MPZL1: variants seen among roughly 807,000 people sequenced by gnomAD.
MPZL1 encodes myelin protein zero like 1, also known as myelin protein zero-like protein 1.
A neutral mutation model predicts 29.3 loss-of-function variants in MPZL1; 16 were observed. That is an observed-to-expected ratio of 0.55 (90% CI 0.37 to 0.83). The LOEUF (loss-of-function observed/expected upper bound fraction) is 0.83, where lower values mean the gene tolerates loss of function less well. MPZL1 is among the 40% of genes least tolerant of loss of function. The pLI is 0.00. For synonymous variants in MPZL1, 143 were observed against 132.0 expected, an observed-to-expected ratio of 1.08 and a Z score of -0.57; for missense variants, 279 against 332.9, an observed-to-expected ratio of 0.84 and a Z score of 1.26.
At chr1:167,778,523 AGGATGGATGGATGGATGGAT>A (rs10666527) in intron 5 of MPZL1, among the ~76,000 whole-genome samples, 6 of 147,340 alleles carry the variant, frequency 4.1e-5, no homozygotes, top group East Asian at 2.0e-4. Context: ...GAAGGAAGGA[AGGATGGATGGATGGATGGAT>A]GGATGGATGG....
chr1:167,752,877 A>T (rs1420759136), intron 1 of MPZL1, among the ~76,000 whole-genome samples: 7 of 152,238 alleles, frequency 4.6e-5, no homozygotes, highest in Non-Finnish European at 7.3e-5. Context: ...ATTTAGTGTT[A>T]TCTGTTCACT....
rs1445261430 is a variant in MPZL1 at position 167,790,120 on chromosome 1, T to C, written c.*2199T>C. 1 of 152,244 alleles carries C rather than the reference T, an allele frequency of 6.6e-6. No homozygotes were observed. Among genetic ancestry groups the C allele is most frequent in the Non-Finnish European group, 1.5e-5 (1 of 68,046 alleles). The allele number at this position is 152,244 out of a possible 1,614,324, so 9.4% of individuals were successfully genotyped here. On this transcript the variant is annotated 3_prime_UTR_variant, in exon 6 of 6. Transcript: ENST00000359523. Reference sequence around the variant, plus strand: ...GGGGCATTGTTTTTTCACTGCTTTCTCAACAGTTCCTGTGAATAAATGAAA... The same window carrying C: ...GGGGCATTGTTTTTTCACTGCTTTCCCAACAGTTCCTGTGAATAAATGAAA...
intron 5 of MPZL1, among the ~76,000 whole-genome samples, chr1:167,783,170 T>C (rs1661527983): frequency 1.3e-5 from 2 of 152,090 alleles, no homozygotes; most frequent in South Asian, 4.1e-4. Context: ...TGATTCACTC[T>C]TAGGGCAGAG....
At chr1:167,785,116 C>T (rs1661566126) in intron 5 of MPZL1, among the ~76,000 whole-genome samples, 1 of 152,180 alleles carries the variant, frequency 6.6e-6, no homozygotes, top group African/African-American at 2.4e-5. Context: ...AAAACACGCA[C>T]TATTTATTTG....
chr1:167,729,376 A>G (rs1057093719), intron 1 of MPZL1, among the ~76,000 whole-genome samples: 1 of 152,192 alleles, frequency 6.6e-6, no homozygotes, highest in African/African-American at 2.4e-5. Flanking sequence ...TAACATAATC[A>G]TGTGCTTCTT....
At chr1:167,728,073 C>T (rs12037996) in intron 1 of MPZL1, among the ~76,000 whole-genome samples, 7,146 of 141,778 alleles carry the variant, frequency 0.05, 222 homozygotes, top group Middle Eastern at 0.093. Flanking sequence ...GAGTTTCACT[C>T]CTGTTGCCCA....
rs1367220091 is a variant in MPZL1 at position 167,787,910 on chromosome 1, C to T, written c.799C>T (p.Arg267Ter). The T allele has an allele frequency of 2.9e-5, 46 of 1,609,410 alleles. No homozygotes were observed. Among genetic ancestry groups the T allele is most frequent in the Non-Finnish European group, 3.6e-5 (42 of 1,175,918 alleles). The stretch of plus-strand genomic sequence containing the variant: ...AGAGTCTGTGGTGTATGCGGATATC[C>T]GAAAGAATTAAGAGAATACCTAGAA... ...KSESVVYADI[R>*]KN Residue 267 changes from arginine to a stop codon, truncating the protein, a stop_gained, in exon 6 of 6, where the codon CGA (arginine) becomes TGA (stop). Transcript: ENST00000359523. LOFTEE classifies it high-confidence loss of function.
At chr1:167,743,234 CAG>C (rs1391568756) in intron 1 of MPZL1, among the ~76,000 whole-genome samples, 3 of 151,226 alleles carry the variant, frequency 2.0e-5, no homozygotes, top group African/African-American at 7.3e-5. Context: ...TTCTTCGAGA[CAG>C]AGTCTCGCTC....
At chr1:167,754,685 G>T (rs1258162947) in intron 1 of MPZL1, among the ~76,000 whole-genome samples, 1 of 152,114 alleles carries the variant, frequency 6.6e-6, no homozygotes, top group Non-Finnish European at 1.5e-5. Flanking sequence ...CTTCAGGCAT[G>T]GTCTTATTGT....
chr1:167,722,089 A>G lies in MPZL1; in HGVS notation c.-63A>G, dbSNP rs1005128928. 8 of 1,231,346 alleles carry G rather than the reference A, an allele frequency of 6.5e-6. No homozygotes were observed. The highest frequency in any genetic ancestry group is 6.1e-6 in the Non-Finnish European group (6 of 987,232). The allele number at this position is 1,231,346 out of a possible 1,614,324, so 76.3% of individuals were successfully genotyped here. ...GAAGCCTCTTCCCCAAGCCGAGCCA[A>G]CCTCAGCGGGGACCCGGGCTCAGGG... On this transcript the variant is annotated 5_prime_UTR_variant, in exon 1 of 6. Coordinates refer to ENST00000359523, the MANE Select transcript of MPZL1 (RefSeq NM_003953.6).
At chr1:167,733,988 G>C (rs945791445) in intron 1 of MPZL1, among the ~76,000 whole-genome samples, 28 of 152,222 alleles carry the variant, frequency 1.8e-4, no homozygotes, top group African/African-American at 6.5e-4. Context: ...CGGGTGCGGT[G>C]GCTCACGCCT....
intron 1 of MPZL1, among the ~76,000 whole-genome samples, chr1:167,734,641 C>T (rs767775348): frequency 1.3e-5 from 2 of 152,060 alleles, no homozygotes; most frequent in Non-Finnish European, 2.9e-5. Flanking sequence ...TTGTACCTCA[C>T]CTTTAGGAGC....
intron 1 of MPZL1, among the ~76,000 whole-genome samples, chr1:167,739,632 C>T (rs1403051104): frequency 2.0e-5 from 3 of 151,994 alleles, no homozygotes; most frequent in Non-Finnish European, 4.4e-5. Flanking sequence ...GCCATGACAC[C>T]CAGAGAAGCC....
At chr1:167,771,652 G>A (rs1417966410) in intron 2 of MPZL1, among the ~76,000 whole-genome samples, 4 of 151,740 alleles carry the variant, frequency 2.6e-5, no homozygotes, top group Non-Finnish European at 5.9e-5. Flanking sequence ...CAGGGTGGCC[G>A]GGCAGAGGGG....
At chr1:167,726,907 G>T (rs187009842) in intron 1 of MPZL1, among the ~76,000 whole-genome samples, 1 of 152,288 alleles carries the variant, frequency 6.6e-6, no homozygotes, top group Admixed American at 6.5e-5. Context: ...ATGGGATGCA[G>T]CAGGGAGCCT....
In MPZL1 at chr1:167,779,109, G is replaced by A. The variant is rs186357502; in HGVS notation, c.708+2943G>A. ...TGTACTCCAGCCTGGGCAACAGAGC[G>A]AGACTCTGTCTCAAAAAAGAAAAAA... On this transcript the variant is annotated intron_variant, in intron 5 of 5. Coordinates refer to ENST00000359523, the MANE Select transcript of MPZL1 (RefSeq NM_003953.6). Among the ~76,000 whole-genome samples, 317 of 151,708 alleles carry A rather than the reference G, an allele frequency of 2.1e-3. 2 individuals carry two copies. The highest frequency in any genetic ancestry group is 7.1e-3 in the African/African-American group (294 of 41,326).
intron 5 of MPZL1, among the ~76,000 whole-genome samples, chr1:167,780,896 A>AT (rs1661483630): frequency 6.6e-6 from 1 of 152,190 alleles, no homozygotes; most frequent in African/African-American, 2.4e-5. Context: ...ATTTTACCAC[A>AT]TTTTTTAAAC....
In MPZL1 at chr1:167,787,994, T is replaced by A; in HGVS notation, c.*73T>A. 7.9e-7 allele frequency: 1 copy of A among 1,266,172 alleles called. No individual in the cohort carries two copies. Among genetic ancestry groups the A allele is most frequent in the Middle Eastern group, 1.8e-4 (1 of 5,428 alleles). 78.4% of individuals were successfully genotyped at this position (1,266,172 alleles called of 1,614,324 possible). On this transcript the variant is annotated 3_prime_UTR_variant, in exon 6 of 6. Transcript: ENST00000359523. ...CTCTCGTGCAGAAAATGTAGCCCAT[T>A]ACCACATGTAGCCTTGGAGACCCAG...
chr1:167,758,882 G>T (rs933620037), intron 1 of MPZL1, among the ~76,000 whole-genome samples: 1 of 152,178 alleles, frequency 6.6e-6, no homozygotes, highest in Admixed American at 6.5e-5. Context: ...TTATAGAACC[G>T]TTCCCCAGAG....
Sources: gnomAD v4.1 joint callset for allele counts (sites outside exome capture counted in the v4.1 genomes callset) on GRCh38, gnomAD v4.1.1 for gene constraint, MANE v1.5 for transcripts, NCBI Gene and HGNC (gene_info 2026-07-23, HGNC 2026-07-21) for gene names.